The following STX8 variants were observed in gnomAD, a reference collection of about 807,000 sequenced individuals.
STX8 encodes the protein syntaxin-8.
In STX8, 23 loss-of-function variants were observed where a neutral mutation model predicts 37.5. The ratio of observed to expected loss-of-function variants is 0.61; its 90% CI spans 0.44 to 0.87. The LOEUF is 0.87. Among genes scored for constraint, STX8 ranks in the 40% least tolerant of loss-of-function variants. The pLI, the probability that STX8 is intolerant of heterozygous loss-of-function variation, is 0.00. For missense variants in STX8, 313 were observed against 284.7 expected, an observed-to-expected ratio of 1.10 and a Z score of -0.71; for synonymous variants, 115 against 99.1, an observed-to-expected ratio of 1.16 and a Z score of -0.95.
At chr17:9,290,463 T>C (rs1382392223) in intron 7 of STX8, among the ~76,000 whole-genome samples, 4 of 152,208 alleles carry the variant, frequency 2.6e-5, no homozygotes, top group Non-Finnish European at 5.9e-5. Flanking sequence ...AGCAAGCACG[T>C]GTGCGCGTAT....
chr17:9,251,920 T>C (rs1906593808), intron 7 of STX8, among the ~76,000 whole-genome samples: 2 of 152,138 alleles, frequency 1.3e-5, no homozygotes, highest in Non-Finnish European at 2.9e-5. Flanking sequence ...TCCCAGCACT[T>C]TGGGAGGCCA....
intron 7 of STX8, among the ~76,000 whole-genome samples, chr17:9,264,951 A>C (rs921490362): frequency 4.0e-5 from 6 of 151,160 alleles, no homozygotes; most frequent in Non-Finnish European, 8.9e-5. Context: ...TCATCTCTAC[A>C]AAAAAAATAA....
chr17:9,346,983 T>G (rs1276255925), intron 7 of STX8, among the ~76,000 whole-genome samples: 11 of 151,906 alleles, frequency 7.2e-5, no homozygotes. Flanking sequence ...TACAACTAGC[T>G]GGGCGTGGTA....
intron 3 of STX8, among the ~76,000 whole-genome samples, chr17:9,547,106 G>C (rs1906558310): frequency 6.6e-6 from 1 of 151,806 alleles, no homozygotes; most frequent in East Asian, 2.0e-4. Flanking sequence ...AAACTAGCCA[G>C]GCGTGGTGGC....
At chr17:9,532,528 G>A (rs1243800675) in intron 4 of STX8, among the ~76,000 whole-genome samples, 1 of 151,976 alleles carries the variant, frequency 6.6e-6, no homozygotes, top group East Asian at 1.9e-4. Context: ...CTGCTTCTGG[G>A]GAAGAAAATG....
At chr17:9,327,600 C>T (rs1459173163) in intron 7 of STX8, among the ~76,000 whole-genome samples, 2 of 152,092 alleles carry the variant, frequency 1.3e-5, no homozygotes, top group Middle Eastern at 3.4e-3. Flanking sequence ...GCATTCCTTC[C>T]ACCTGGGTAC....
intron 6 of STX8, among the ~76,000 whole-genome samples, chr17:9,430,086 ATTC>A (rs1344592358): frequency 1.6e-5 from 1 of 62,982 alleles, no homozygotes; most frequent in Non-Finnish European, 3.0e-5. Flanking sequence ...TAATATATAT[ATTC>A]TATATAATAT....
intron 6 of STX8, among the ~76,000 whole-genome samples, chr17:9,394,941 G>GA (rs1912346782): frequency 7.8e-6 from 1 of 127,562 alleles, no homozygotes; most frequent in African/African-American, 3.9e-5. Context: ...GCTGGGCGTA[G>GA]TGGCGGGCGC....
chr17:9,558,503 T>C (rs1166662308), intron 2 of STX8, among the ~76,000 whole-genome samples: 2 of 152,122 alleles, frequency 1.3e-5, no homozygotes, highest in African/African-American at 4.8e-5. Flanking sequence ...TACAATGTTG[T>C]GGGGAAACAC....
intron 6 of STX8, among the ~76,000 whole-genome samples, chr17:9,441,504 A>T (rs1567562192): frequency 6.7e-6 from 1 of 150,330 alleles, no homozygotes; most frequent in Non-Finnish European, 1.5e-5. Context: ...AAAAAAAAAG[A>T]AACTGAGTCA....
At chr17:9,428,912 T>C (rs1315004678) in intron 6 of STX8, among the ~76,000 whole-genome samples, 1 of 152,166 alleles carries the variant, frequency 6.6e-6, no homozygotes, top group African/African-American at 2.4e-5. Context: ...GCTCTGTTGA[T>C]AGCAAAGTGT....
At position 9,260,252 on chromosome 17, in the gene STX8, G is replaced by C. The variant is rs142325498; in HGVS notation, c.644-9607C>G. On this transcript the variant is annotated intron_variant, in intron 7 of 7. Transcript: ENST00000306357. ...GTGGGAGGACTGCTGGAGCCCAGGA[G>C]TTCGAGGCTGCAGTGAGCTGTGATT... 1.8e-3 allele frequency among the ~76,000 whole-genome samples: 276 copies of C among 152,250 alleles called. 1 individual carries two copies. Among genetic ancestry groups the C allele is most frequent in the African/African-American group, 5.8e-3 (243 of 41,544 alleles).
chr17:9,525,394 T>C (rs1208623893), intron 4 of STX8, among the ~76,000 whole-genome samples: 1 of 151,864 alleles, frequency 6.6e-6, no homozygotes, highest in African/African-American at 2.4e-5. Flanking sequence ...TTGCCCAGGC[T>C]GGAGTGCAAT....
At chr17:9,551,299 A>G (rs190597711) in intron 3 of STX8, among the ~76,000 whole-genome samples, 1 of 152,320 alleles carries the variant, frequency 6.6e-6, no homozygotes, top group East Asian at 1.9e-4. Context: ...TCCTCAAAGC[A>G]CTGATCACAT....
intron 7 of STX8, among the ~76,000 whole-genome samples, chr17:9,288,004 T>C (rs1268568022): frequency 6.9e-6 from 1 of 144,994 alleles, no homozygotes; most frequent in African/African-American, 2.6e-5. Context: ...CGCCTCGGCT[T>C]CCCAAAGTGC....
At chr17:9,491,698 C>T (rs1012280844) in intron 6 of STX8, 131 bp downstream of exon 6, 34 of 751,818 alleles carry the variant, frequency 4.5e-5, no homozygotes, top group Middle Eastern at 6.8e-4. Flanking sequence ...CACTCCAATG[C>T]GTTAAACTGT....
intron 7 of STX8, among the ~76,000 whole-genome samples, chr17:9,259,498 G>A (rs1003952855): frequency 6.6e-6 from 1 of 152,194 alleles, no homozygotes; most frequent in Non-Finnish European, 1.5e-5. Flanking sequence ...TAGAAACAGA[G>A]GGAGCAATTC....
intron 6 of STX8, among the ~76,000 whole-genome samples, chr17:9,459,896 GT>G (rs764412092): frequency 6.6e-6 from 1 of 152,174 alleles, no homozygotes; most frequent in African/African-American, 2.4e-5. Context: ...CATCAAATAA[GT>G]TTTTTTGGCA....
intron 6 of STX8, among the ~76,000 whole-genome samples, chr17:9,451,431 T>C (rs1442033702): frequency 6.6e-6 from 1 of 152,208 alleles, no homozygotes. Flanking sequence ...CTAATTCCCT[T>C]TGGAAACCAT....
Sources: gnomAD v4.1 joint callset for allele counts (sites outside exome capture counted in the v4.1 genomes callset) on GRCh38, gnomAD v4.1.1 for gene constraint, MANE v1.5 for transcripts, NCBI Gene and HGNC (gene_info 2026-07-23, HGNC 2026-07-21) for gene names.